TENM2: variants seen among roughly 807,000 people sequenced by gnomAD.
TENM2 encodes the protein teneurin transmembrane protein 2, also known as teneurin-2.
In TENM2, 52 loss-of-function variants were observed where a neutral mutation model predicts 245.2. The observed-to-expected ratio is 0.21, with a 90% CI of 0.17 to 0.27. TENM2 has a LOEUF of 0.27. Among genes scored for constraint, TENM2 ranks in the 10% least tolerant of loss-of-function variants. TENM2 has a pLI of 1.00. For missense variants in TENM2, 3,046 were observed against 3,666.8 expected, an observed-to-expected ratio of 0.83 and a Z score of 4.37; for synonymous variants, 1,363 against 1,438.9, an observed-to-expected ratio of 0.95 and a Z score of 1.19.
chr5:168,254,079 C>G (rs188967417), intron 27 of TENM2, among the ~76,000 whole-genome samples: 1 of 152,246 alleles, frequency 6.6e-6, no homozygotes, highest in Admixed American at 6.5e-5. Flanking sequence ...CTCACATCAT[C>G]CTCTTCTCAT....
chr5:167,495,728 T>C (rs1015264857), intron 2 of TENM2, among the ~76,000 whole-genome samples: 1 of 152,082 alleles, frequency 6.6e-6, no homozygotes, highest in Middle Eastern at 3.2e-3. Context: ...TAATTTTAAT[T>C]AGCGTTCATG....
At chr5:167,717,987 G>A (rs1216045036) in intron 2 of TENM2, among the ~76,000 whole-genome samples, 1 of 152,112 alleles carries the variant, frequency 6.6e-6, no homozygotes, top group East Asian at 1.9e-4. Flanking sequence ...ATTCCCAAAG[G>A]AGATTTATTT....
the TENM2 span, among the ~76,000 whole-genome samples, chr5:167,094,674 G>A: frequency 6.6e-6 from 1 of 152,148 alleles, no homozygotes; most frequent in Admixed American, 6.6e-5. Context: ...TTCTCACTGT[G>A]GAGAAGACCC....
intron 2 of TENM2, among the ~76,000 whole-genome samples, chr5:167,863,505 G>A (rs56236411): frequency 0.14 from 20,618 of 151,586 alleles, 1,506 homozygotes; most frequent in African/African-American, 0.15. Context: ...TTAGCCAGGC[G>A]TGGTGGCATG....
chr5:167,392,317 G>A (rs1242917244), intron 2 of TENM2, among the ~76,000 whole-genome samples: 5 of 152,170 alleles, frequency 3.3e-5, no homozygotes, highest in Non-Finnish European at 5.9e-5. Context: ...CTGGTTAAAT[G>A]TTCTCTGGGT....
At chr5:168,214,844 A>T in intron 20 of TENM2, 196 bp from the exon 23 acceptor site, 1 of 679,896 alleles carries the variant, frequency 1.5e-6, no homozygotes, top group Non-Finnish European at 2.7e-6. Flanking sequence ...CATAAGAAGC[A>T]TAAGTCCAAT....
chr5:167,755,284 G>A (rs892953472), intron 2 of TENM2: 31 of 880,176 alleles, frequency 3.5e-5, no homozygotes, highest in Admixed American at 2.6e-4. Flanking sequence ...ACCCTTCAGC[G>A]GATACCAAGG....
At chr5:167,090,288 T>G in the TENM2 span, among the ~76,000 whole-genome samples, 1 of 152,062 alleles carries the variant, frequency 6.6e-6, no homozygotes, top group Non-Finnish European at 1.5e-5. Flanking sequence ...TCAAAGGTTT[T>G]TTTTTTTTTT....
At chr5:167,700,531 C>T (rs1159502172) in intron 2 of TENM2, among the ~76,000 whole-genome samples, 1 of 152,146 alleles carries the variant, frequency 6.6e-6, no homozygotes, top group Admixed American at 6.5e-5. Flanking sequence ...GTTCAGACTT[C>T]ACATAGCCAG....
the TENM2 span, among the ~76,000 whole-genome samples, chr5:167,211,384 A>C: frequency 6.6e-6 from 1 of 152,380 alleles, no homozygotes; most frequent in African/African-American, 2.4e-5. Flanking sequence ...ACTACTTGAT[A>C]AAATTAGATG....
intron 2 of TENM2, among the ~76,000 whole-genome samples, chr5:167,483,429 G>T (rs1168874953): frequency 1.3e-5 from 2 of 152,088 alleles, no homozygotes; most frequent in Non-Finnish European, 2.9e-5. Flanking sequence ...TTTCTGTGTG[G>T]GTATGTGTGT....
chr5:167,024,456 T>C, the TENM2 span, among the ~76,000 whole-genome samples: 13 of 152,240 alleles, frequency 8.5e-5, no homozygotes, highest in South Asian at 1.9e-3. Context: ...AAGCAATAAA[T>C]GAGCAGTTTT....
At chr5:167,369,920 T>A (rs1760304128) in intron 1 of TENM2, among the ~76,000 whole-genome samples, 1 of 152,108 alleles carries the variant, frequency 6.6e-6, no homozygotes, top group Non-Finnish European at 1.5e-5. Context: ...TATTTCAAAG[T>A]TGGTAAAAAC....
intron 7 of TENM2, among the ~76,000 whole-genome samples, chr5:168,076,794 T>C (rs1035690137): frequency 6.6e-6 from 1 of 152,232 alleles, no homozygotes; most frequent in African/African-American, 2.4e-5. Flanking sequence ...TTAGGCCTTC[T>C]AAGTGAAACC....
At chr5:168,214,959 A>T in intron 20 of TENM2, 81 bp from the exon 23 acceptor site, 1 of 1,157,978 alleles carries the variant, frequency 8.6e-7, no homozygotes, top group South Asian at 1.3e-5. Flanking sequence ...GCGTCTTGCT[A>T]GGATTTTTGT....
chr5:167,356,217 A>AAAATT lies in TENM2; in HGVS notation c.227-18978_227-18977insTTAAA, dbSNP rs1759321334. Among the ~76,000 whole-genome samples the AAAATT allele has an allele frequency of 7.0e-5, 9 of 129,170 alleles. 1 individual carries two copies. The highest frequency in any genetic ancestry group is 2.9e-4 in the African/African-American group (9 of 31,252). 84.7% of individuals were successfully genotyped at this position (129,170 alleles called of 152,430 possible). A position where few individuals can be genotyped will look rare whatever the true frequency, so the allele number is the denominator to read the frequency against. ...AAAAAAAAAAAAAAAAAAAAAAAAA[A>AAAATT]AAAATTAAAATTAAAAAAAAGGCAG... is the stretch of plus-strand genomic sequence containing the variant. On this transcript the variant is annotated intron_variant, in intron 1 of 28. Coordinates refer to ENST00000518659, the Ensembl canonical transcript of TENM2.
chr5:167,289,017 C>A (rs961094799), intron 1 of TENM2, among the ~76,000 whole-genome samples: 8 of 152,248 alleles, frequency 5.3e-5, no homozygotes, highest in Admixed American at 4.6e-4. Context: ...TGTTCACCAC[C>A]AGCTCCCAGC....
the TENM2 span, among the ~76,000 whole-genome samples, chr5:167,233,636 CT>C: frequency 4.3e-4 from 65 of 152,170 alleles, no homozygotes; most frequent in Admixed American, 1.4e-3. Flanking sequence ...TAAGAAAATG[CT>C]TGTTAACATA....
chr5:167,827,783 C>G (rs921929243), intron 2 of TENM2, among the ~76,000 whole-genome samples: 1 of 152,118 alleles, frequency 6.6e-6, no homozygotes, highest in African/African-American at 2.4e-5. Flanking sequence ...GGATAATTTT[C>G]CAACCTCTGG....
Sources: allele counts gnomAD v4.1 joint callset (sites outside exome capture counted in the v4.1 genomes callset), GRCh38; gene constraint gnomAD v4.1.1; transcripts MANE v1.5; gene names NCBI Gene and HGNC (gene_info 2026-07-23, HGNC 2026-07-21).